SLC5A11: variants seen among roughly 807,000 people sequenced by gnomAD.
SLC5A11 encodes the protein solute carrier family 5 member 11, also known as sodium/myo-inositol cotransporter 2.
In SLC5A11, 48 loss-of-function variants were observed where a neutral mutation model predicts 69.8. That is an observed-to-expected ratio of 0.69 (90% CI 0.55 to 0.87). SLC5A11 has a LOEUF of 0.87. Ranked by LOEUF, SLC5A11 falls within the 40% of genes least tolerant of loss-of-function variation. The pLI is 0.00. For missense variants in SLC5A11, 784 were observed against 866.1 expected (o/e 0.91, Z 1.19); for synonymous variants, 319 against 342.4 (o/e 0.93, Z 0.75).
At position 24,890,732 on chromosome 16, in the gene SLC5A11, G is replaced by A. The variant is rs2048737424; in HGVS notation, c.665-137G>A. The A allele has an allele frequency of 8.0e-6, 6 of 746,378 alleles. No homozygotes were observed. In the Admixed American group the frequency reaches 1.3e-4, roughly 17 times the overall value. The allele number at this position is 746,378 out of a possible 1,614,324, so 46.2% of individuals were successfully genotyped here. Reference sequence around the variant, plus strand: ...TTAAGTTAAAAAAATGTGGGGAGGAGGTTAAGAACCCTTAAGGGGATTAAC... The same window carrying A: ...TTAAGTTAAAAAAATGTGGGGAGGAAGTTAAGAACCCTTAAGGGGATTAAC... On this transcript the variant is annotated intron_variant, in intron 8 of 15. Coordinates refer to ENST00000347898, the Ensembl canonical transcript of SLC5A11.
At chr16:24,869,833 T>G (rs2047157387) in intron 3 of SLC5A11, 68 bp from the exon 5 acceptor site, 1 of 1,110,450 alleles carries the variant, frequency 9.0e-7, no homozygotes, top group Non-Finnish European at 1.4e-6. Flanking sequence ...AGCATGGAAA[T>G]AATTGGGGGT....
At chr16:24,893,486 C>G (rs1415650286) in intron 9 of SLC5A11, among the ~76,000 whole-genome samples, 1 of 152,052 alleles carries the variant, frequency 6.6e-6, no homozygotes, top group Non-Finnish European at 1.5e-5. Context: ...GGTATTCCCC[C>G]AAGACCATCT....
At position 24,869,783 on chromosome 16, in the gene SLC5A11, T is replaced by G. The variant is rs185868088; in HGVS notation, c.208-118T>G. ...ACAAAAATGCCAGATAGGCTAGGGG[T>G]GGCCCTGCCTTCCTCTACTTCTCTT... On this transcript the variant is annotated intron_variant, in intron 3 of 15. Coordinates refer to ENST00000347898, the Ensembl canonical transcript of SLC5A11. 123 of 664,708 alleles carry G rather than the reference T, an allele frequency of 1.9e-4. No individual in the cohort carries two copies. In the East Asian group the frequency reaches 3.3e-3, roughly 18 times the overall value. 41.2% of individuals were successfully genotyped at this position (664,708 alleles called of 1,614,324 possible).
At chr16:24,898,346 G>T (rs1444382632) in intron 10 of SLC5A11, among the ~76,000 whole-genome samples, 1 of 151,910 alleles carries the variant, frequency 6.6e-6, no homozygotes, top group Non-Finnish European at 1.5e-5. Context: ...TGAGTAGCTG[G>T]GGCTACAGGT....
In SLC5A11 at chr16:24,906,796, C is replaced by G. The variant is rs780370368; in HGVS notation, c.1114+32C>G. On this transcript the variant is annotated intron_variant, in intron 11 of 15. Coordinates refer to ENST00000347898, the Ensembl canonical transcript of SLC5A11. ...TCCCTTCACTCCTGAATCAAGTCCC[C>G]TGGAGCACCCAGAAAGGAGATCACC... 3 of 1,571,246 alleles carry G rather than the reference C, an allele frequency of 1.9e-6. No individual in the cohort carries two copies. The South Asian group carries it at 3.4e-5, about 18-fold the overall frequency.
exon 13 of SLC5A11, chr16:24,908,061 G>C (rs971842949): frequency 3.1e-6 from 5 of 1,611,342 alleles, no homozygotes; most frequent in African/African-American, 2.7e-5. Context: ...CAGTCCATCA[G>C]CTCCTACCTG....
chr16:24,879,337 G>A (rs2047895748), intron 7 of SLC5A11, among the ~76,000 whole-genome samples: 1 of 152,142 alleles, frequency 6.6e-6, no homozygotes, highest in African/African-American at 2.4e-5. Context: ...TACCCAATGG[G>A]TAGTTTTTCA....
intron 14 of SLC5A11, among the ~76,000 whole-genome samples, chr16:24,909,612 AG>A (rs1189500889): frequency 6.3e-5 from 8 of 127,912 alleles, no homozygotes; most frequent in South Asian, 5.1e-4. Context: ...CTGCACTTCC[AG>A]CCTTGGTGAC....
chr16:24,873,032 C>T (rs923442068), intron 5 of SLC5A11, among the ~76,000 whole-genome samples: 1 of 123,400 alleles, frequency 8.1e-6, no homozygotes, highest in Non-Finnish European at 1.7e-5. Flanking sequence ...CCCAGCTACT[C>T]GGGAGGCTGA....
exon 2 of SLC5A11, chr16:24,858,702 C>T: frequency 6.2e-7 from 1 of 1,611,852 alleles, no homozygotes; most frequent in African/African-American, 1.3e-5. Context: ...GATGCGTTTC[C>T]CCAGAAGGGC....
chr16:24,890,554 AAG>A (rs1486624511), intron 8 of SLC5A11, among the ~76,000 whole-genome samples: 5 of 151,570 alleles, frequency 3.3e-5, no homozygotes, highest in Admixed American at 2.6e-4. Flanking sequence ...GAAAGAAAGA[AAG>A]AAAAAAGAAA....
chr16:24,855,093 G>A (rs2059469624), intron 1 of SLC5A11, among the ~76,000 whole-genome samples: 1 of 151,968 alleles, frequency 6.6e-6, no homozygotes, highest in African/African-American at 2.4e-5. Flanking sequence ...GCCTCCCAAG[G>A]TGGTAGGATT....
chr16:24,893,116 C>CAAAAAAAAAAAA (rs58331547), intron 9 of SLC5A11, among the ~76,000 whole-genome samples: 31 of 98,986 alleles, frequency 3.1e-4, no homozygotes, highest in African/African-American at 4.0e-4. Context: ...ACTAAAAATA[C>CAAAAAAAAAAAA]AAAAAAAAAA....
intron 10 of SLC5A11, among the ~76,000 whole-genome samples, chr16:24,900,300 A>G (rs754261706): frequency 8.5e-5 from 13 of 152,212 alleles, no homozygotes; most frequent in Admixed American, 2.0e-4. Context: ...ACATAATGTT[A>G]CACAGAAGCT....
Position 24,908,566 on chromosome 16 carries a change from C to G in SLC5A11, c.1435-315C>G, listed in dbSNP as rs543017534. ...TGAGCTGAGACCACGCCACTGCACTCCAGCCTGGGCGACAGAGTGAGACTG... is the reference window on the plus strand; with the variant it reads ...TGAGCTGAGACCACGCCACTGCACTGCAGCCTGGGCGACAGAGTGAGACTG... On this transcript the variant is annotated intron_variant, in intron 13 of 15. Transcript: ENST00000347898. Among the ~76,000 whole-genome samples the G allele has an allele frequency of 1.1e-3, 149 of 130,808 alleles. 1 individual carries two copies. Among genetic ancestry groups the G allele is most frequent in the Middle Eastern group, 6.3e-3 (1 of 158 alleles). 85.8% of individuals were successfully genotyped at this position (130,808 alleles called of 152,430 possible).
At chr16:24,893,622 G>A (rs1320437977) in intron 9 of SLC5A11, among the ~76,000 whole-genome samples, 2 of 152,060 alleles carry the variant, frequency 1.3e-5, no homozygotes, top group Admixed American at 1.3e-4. Flanking sequence ...CCAGGCTGGA[G>A]TAAAGTAGTG....
intron 10 of SLC5A11, among the ~76,000 whole-genome samples, chr16:24,906,113 G>C (rs1245918794): frequency 6.6e-6 from 1 of 152,102 alleles, no homozygotes; most frequent in Admixed American, 6.6e-5. Flanking sequence ...AATGATCATG[G>C]ACGGATCACT....
At chr16:24,897,060 C>G (rs978667935) in intron 9 of SLC5A11, among the ~76,000 whole-genome samples, 1 of 144,030 alleles carries the variant, frequency 6.9e-6, no homozygotes. Flanking sequence ...TCAAGTGATT[C>G]TCCTGTCTCA....
intron 1 of SLC5A11, among the ~76,000 whole-genome samples, chr16:24,857,806 T>C (rs1180469506): frequency 6.6e-6 from 1 of 152,208 alleles, no homozygotes; most frequent in Non-Finnish European, 1.5e-5. Context: ...ATCTGCAAAC[T>C]TAATTGTCCT....
Sources: allele counts gnomAD v4.1 joint callset (sites outside exome capture counted in the v4.1 genomes callset), GRCh38; gene constraint gnomAD v4.1.1; transcripts MANE v1.5; gene names NCBI Gene and HGNC (gene_info 2026-07-23, HGNC 2026-07-21).